Variants in PACS1 observed in about 807,000 individuals in gnomAD.
PACS1 encodes phosphofurin acidic cluster sorting protein 1.
A neutral mutation model predicts 115.0 loss-of-function variants in PACS1; 24 were observed. The observed-to-expected ratio is 0.21, with a 90% CI of 0.15 to 0.29. The LOEUF (loss-of-function observed/expected upper bound fraction) is 0.29, where lower values mean the gene tolerates loss of function less well. PACS1 is among the 10% of genes least tolerant of loss of function. The pLI, the probability that PACS1 is intolerant of heterozygous loss-of-function variation, is 1.00. For synonymous variants in PACS1, 453 were observed against 504.5 expected, an observed-to-expected ratio of 0.90 and a Z score of 1.37; for missense variants, 838 against 1,251.2, an observed-to-expected ratio of 0.67 and a Z score of 4.98.
At position 66,077,706 on chromosome 11, in the gene PACS1, T is replaced by TG. The variant is rs1040131581; in HGVS notation, c.356+6864_356+6865insG. On this transcript the variant is annotated intron_variant, in intron 1 of 23. Transcript: ENST00000320580. ...GATCCTTTTAAATTGTAAGTTTGTTTTTTTTTTTTTTTTGAGACGGAGTTT... is the reference window on the plus strand; with the variant it reads ...GATCCTTTTAAATTGTAAGTTTGTTTGTTTTTTTTTTTTTGAGACGGAGTTT... 4.7e-5 allele frequency among the ~76,000 whole-genome samples: 7 copies of TG among 150,032 alleles called. No individual in the cohort carries two copies. In the South Asian group the frequency reaches 6.3e-4, roughly 14 times the overall value.
rs185111305 is a variant in PACS1 at position 66,102,975 on chromosome 11, C to A, written c.356+32133C>A. Among the ~76,000 whole-genome samples the A allele has an allele frequency of 4.9e-4, 75 of 151,980 alleles. No homozygotes were observed. The East Asian group carries it at 0.012, about 25-fold the overall frequency. On this transcript the variant is annotated intron_variant, in intron 1 of 23. Transcript: ENST00000320580. ...CTTCCCGAGTAGCTGGGATTAAAGG[C>A]ACGTGCCACCACGCCCAGCTAATTT...
chr11:66,212,350 T>A (rs953778269), intron 4 of PACS1, among the ~76,000 whole-genome samples: 1 of 151,504 alleles, frequency 6.6e-6, no homozygotes, highest in East Asian at 1.9e-4. Context: ...GCCAGGATGG[T>A]CTCATTCTCC....
intron 1 of PACS1, among the ~76,000 whole-genome samples, chr11:66,103,350 A>G (rs924751851): frequency 1.1e-4 from 17 of 152,100 alleles, no homozygotes; most frequent in Admixed American, 7.9e-4. Context: ...GCCTGTCCTT[A>G]GAGAGCTCCC....
At chr11:66,129,257 C>T (rs1858647806) in intron 1 of PACS1, among the ~76,000 whole-genome samples, 1 of 151,290 alleles carries the variant, frequency 6.6e-6, no homozygotes, top group Non-Finnish European at 1.5e-5. Context: ...GATGGTGAAA[C>T]CCTGTCTCTA....
At chr11:66,241,748 G>C in intron 22 of PACS1, 95 bp downstream of exon 22, 1 of 1,012,616 alleles carries the variant, frequency 9.9e-7, no homozygotes, top group Non-Finnish European at 1.5e-6. Flanking sequence ...GGGATATTTG[G>C]GATGAAGAAG....
Position 66,070,810 on chromosome 11 carries a change from GGT to G in PACS1, c.326_327del (p.Val109GlyfsTer10). 1.3e-6 allele frequency: 2 copies of G among 1,501,772 alleles called. No homozygotes were observed. Among genetic ancestry groups the G allele is most frequent in the Non-Finnish European group, 1.8e-6 (2 of 1,131,938 alleles). 93.0% of individuals were successfully genotyped at this position (1,501,772 alleles called of 1,614,324 possible). ...VQMNLYATWE[V>X]DRSSSSCVPR... ...AGATGAACCTGTACGCCACCTGGGA[GGT>G]GGACCGGAGCTCGTCCAGCTGCGTG... On this transcript the variant is annotated frameshift_variant, in exon 1 of 24. Transcript: ENST00000320580. LOFTEE classifies it high-confidence loss of function. This position sits in a 1 kb window ranked among gnomAD's most constrained non-coding sequence, Gnocchi z 5.9.
chr11:66,127,756 G>T (rs951176794), intron 1 of PACS1, among the ~76,000 whole-genome samples: 1 of 152,130 alleles, frequency 6.6e-6, no homozygotes, highest in Non-Finnish European at 1.5e-5. Context: ...AGATTAAATC[G>T]TCCTAATACT....
intron 1 of PACS1, among the ~76,000 whole-genome samples, chr11:66,105,579 TG>T (rs1346292460): frequency 9.8e-5 from 15 of 152,348 alleles, no homozygotes; most frequent in Non-Finnish European, 1.5e-4. Context: ...TTTAAGACAG[TG>T]GAATTTTTGG....
chr11:66,086,399 A>G (rs1277883498), intron 1 of PACS1, among the ~76,000 whole-genome samples: 1 of 152,038 alleles, frequency 6.6e-6, no homozygotes. Context: ...CGGCCTCCCA[A>G]AGTGCTGGGA....
rs182725604 is a variant in PACS1 at position 66,194,465 on chromosome 11, A to G, written c.444+892A>G. On this transcript the variant is annotated intron_variant, in intron 2 of 23. Coordinates refer to ENST00000320580, the MANE Select transcript of PACS1 (RefSeq NM_018026.4). ...CCTGAATTTAAGGAAAAGAGAAGGG[A>G]AAAGCTGAATTATAGAAGGGCTCAG... Among the ~76,000 whole-genome samples the G allele has an allele frequency of 7.9e-5, 12 of 152,308 alleles. No individual in the cohort carries two copies. The East Asian group carries it at 2.3e-3, about 29-fold the overall frequency.
At chr11:66,234,514 T>C (rs1855668209) in intron 17 of PACS1, among the ~76,000 whole-genome samples, 1 of 152,252 alleles carries the variant, frequency 6.6e-6, no homozygotes, top group Admixed American at 6.5e-5. Flanking sequence ...CCAGGGCGTC[T>C]CTAGTTGTAG....
intron 1 of PACS1, among the ~76,000 whole-genome samples, chr11:66,123,273 C>T (rs1858487659): frequency 6.7e-6 from 1 of 150,074 alleles, no homozygotes; most frequent in Non-Finnish European, 1.5e-5. Flanking sequence ...CTCACTGCAA[C>T]CTCCGCCTTC....
At chr11:66,196,266 A>G (rs10791855) in intron 2 of PACS1, among the ~76,000 whole-genome samples, 31,415 of 152,180 alleles carry the variant, frequency 0.21, 3,329 homozygotes, top group Middle Eastern at 0.28. Flanking sequence ...AATGTTCTTA[A>G]GAAAGCAGTA....
chr11:66,230,138 A>C (rs1307634141), intron 11 of PACS1, among the ~76,000 whole-genome samples: 1 of 143,366 alleles, frequency 7.0e-6, no homozygotes, highest in Non-Finnish European at 1.5e-5. Context: ...ATGGGGCTAA[A>C]AAAAAAAAAA....
intron 13 of PACS1, 69 bp from the exon 14 acceptor site, chr11:66,232,103 G>A (rs1231237788): frequency 1.3e-5 from 12 of 949,900 alleles, no homozygotes; most frequent in African/African-American, 3.2e-5. Context: ...CCATGCACCA[G>A]TCCAGCAGCC....
chr11:66,230,784 C>A, intron 12 of PACS1, 21 bp from the exon 13 acceptor site: 1 of 1,613,992 alleles, frequency 6.2e-7, no homozygotes, highest in Non-Finnish European at 8.5e-7. Context: ...TTTCACCAGC[C>A]TTTTTCCACC....
intron 1 of PACS1, among the ~76,000 whole-genome samples, chr11:66,130,190 A>T (rs1423487264): frequency 6.6e-6 from 1 of 152,192 alleles, no homozygotes; most frequent in Non-Finnish European, 1.5e-5. Flanking sequence ...TTTCAGCAGC[A>T]TGACAAATGC....
At chr11:66,193,294 G>A (rs1590809669) in intron 1 of PACS1, among the ~76,000 whole-genome samples, 192 bp from the exon 2 acceptor site, 2 of 152,130 alleles carry the variant, frequency 1.3e-5, no homozygotes, top group East Asian at 3.9e-4. Context: ...GCAACATAGT[G>A]AGACCCATCT....
intron 1 of PACS1, among the ~76,000 whole-genome samples, chr11:66,073,286 G>C (rs1296276150): frequency 1.3e-5 from 2 of 152,190 alleles, no homozygotes; most frequent in Non-Finnish European, 2.9e-5. Context: ...GGGTGTCCTT[G>C]TTCATGTTGT....
Sources: allele counts gnomAD v4.1 joint callset (sites outside exome capture counted in the v4.1 genomes callset), GRCh38; gene constraint gnomAD v4.1.1; non-coding constraint Gnocchi (gnomAD v3.1); transcripts MANE v1.5; gene names NCBI Gene and HGNC (gene_info 2026-07-23, HGNC 2026-07-21).